Variants in SHTN1 observed in about 807,000 individuals in gnomAD.
SHTN1 encodes the protein shootin-1.
In SHTN1, 42 loss-of-function variants were observed where a neutral mutation model predicts 83.1. The observed-to-expected ratio is 0.51, with a 90% confidence interval of 0.39 to 0.65. The LOEUF (loss-of-function observed/expected upper bound fraction) is 0.65, where lower values mean the gene tolerates loss of function less well. Among genes scored for constraint, SHTN1 ranks in the 30% least tolerant of loss-of-function variants. SHTN1 has a pLI of 0.00. For missense variants in SHTN1, 622 were observed against 737.8 expected, an observed-to-expected ratio of 0.84 and a Z score of 1.82; for synonymous variants, 224 against 247.7, an observed-to-expected ratio of 0.90 and a Z score of 0.90.
In SHTN1 at chr10:117,094,184, G is replaced by T. The variant is rs565597530; in HGVS notation, c.-189+32123C>A. ...AATGTATTGCCCCAAAAAGACCTAA[G>T]AAATACCAAAAGGAGCAGAAATGAC... On this transcript the variant is annotated intron_variant, in intron 1 of 17. Coordinates refer to the SHTN1 transcript ENST00000392901. 2.3e-4 allele frequency among the ~76,000 whole-genome samples: 35 copies of T among 152,212 alleles called. 1 individual carries two copies. Among genetic ancestry groups the T allele is most frequent in the African/African-American group, 8.2e-4 (34 of 41,536 alleles).
At chr10:116,986,973 C>T (rs1359246284) in intron 1 of SHTN1, among the ~76,000 whole-genome samples, 7 of 152,078 alleles carry the variant, frequency 4.6e-5, no homozygotes, top group Middle Eastern at 3.4e-3. Context: ...GTGATCCACC[C>T]GCCTCGGCCT....
chr10:117,050,369 GA>G (rs1220491956), intron 1 of SHTN1, among the ~76,000 whole-genome samples: 3 of 151,920 alleles, frequency 2.0e-5, no homozygotes, highest in Non-Finnish European at 4.4e-5. Context: ...GATTAAAAAA[GA>G]AATCACGAGA....
intron 15 of SHTN1, among the ~76,000 whole-genome samples, chr10:116,905,208 CAAA>C (rs772309175): frequency 1.6e-5 from 1 of 63,410 alleles, no homozygotes; most frequent in African/African-American, 4.9e-5. Flanking sequence ...GACTCCGTCT[CAAA>C]AAAAAAAAAA....
chr10:117,012,556 T>G (rs892625802), intron 2 of SHTN1, among the ~76,000 whole-genome samples: 12 of 152,142 alleles, frequency 7.9e-5, no homozygotes, highest in African/African-American at 2.7e-4. Flanking sequence ...TTTCTTTTTT[T>G]TATAAAAAGG....
intron 1 of SHTN1, among the ~76,000 whole-genome samples, chr10:117,096,417 G>T (rs902599759): frequency 2.6e-5 from 4 of 152,062 alleles, no homozygotes; most frequent in African/African-American, 9.7e-5. Flanking sequence ...GGATCCAGCT[G>T]AACTTTTTTT....
chr10:117,057,204 T>C (rs1852836229), intron 1 of SHTN1, among the ~76,000 whole-genome samples: 1 of 152,206 alleles, frequency 6.6e-6, no homozygotes, highest in African/African-American at 2.4e-5. Flanking sequence ...TGGAGTCTAT[T>C]GAAGGCTTGC....
intron 1 of SHTN1, among the ~76,000 whole-genome samples, chr10:117,099,796 T>C (rs1411777733): frequency 2.0e-5 from 3 of 152,156 alleles, no homozygotes; most frequent in Admixed American, 1.3e-4. Context: ...ATCCAAAGTT[T>C]TCCCCTTACC....
At chr10:117,005,836 G>C (rs1002358945), upstream of SHTN1, among the ~76,000 whole-genome samples, 1 of 152,252 alleles carries the variant, frequency 6.6e-6, no homozygotes, top group Non-Finnish European at 1.5e-5. Flanking sequence ...TGGATGGTGG[G>C]GCCTGGAGGG....
At chr10:117,023,709 G>C (rs1425042885) in intron 2 of SHTN1, 2 of 152,672 alleles carry the variant, frequency 1.3e-5, no homozygotes, top group Non-Finnish European at 2.9e-5. Flanking sequence ...CAAAGTGGCA[G>C]AGGCCATTTT....
intron 3 of SHTN1, among the ~76,000 whole-genome samples, chr10:116,962,464 C>T (rs1850216833): frequency 6.6e-6 from 1 of 152,076 alleles, no homozygotes; most frequent in Admixed American, 6.5e-5. Context: ...GCCTTAACTA[C>T]TTGACATCTT....
chr10:116,916,451 T>G (rs1032664874), intron 12 of SHTN1, among the ~76,000 whole-genome samples: 1 of 152,212 alleles, frequency 6.6e-6, no homozygotes, highest in Non-Finnish European at 1.5e-5. Context: ...GACTCTACAC[T>G]GCCTGGCAAT....
At chr10:117,087,173 G>T (rs1220842739) in intron 1 of SHTN1, among the ~76,000 whole-genome samples, 1 of 98,972 alleles carries the variant, frequency 1.0e-5, no homozygotes, top group African/African-American at 3.1e-5. Flanking sequence ...TGTTTGGAGT[G>T]ACGAAGAATT....
At chr10:116,970,239 C>T (rs573871705) in intron 2 of SHTN1, among the ~76,000 whole-genome samples, 1 of 152,274 alleles carries the variant, frequency 6.6e-6, no homozygotes, top group Admixed American at 6.5e-5. Flanking sequence ...AAATTGAATA[C>T]ATACTTCCCT....
intron 2 of SHTN1, among the ~76,000 whole-genome samples, chr10:117,020,211 C>T (rs965455046): frequency 2.6e-5 from 4 of 151,832 alleles, no homozygotes; most frequent in African/African-American, 4.8e-5. Context: ...GAGAGAAGTC[C>T]GGGCACGGTG....
intron 16 of SHTN1, among the ~76,000 whole-genome samples, chr10:116,889,404 A>G (rs1294242440): frequency 4.6e-5 from 7 of 152,232 alleles, no homozygotes; most frequent in Non-Finnish European, 1.0e-4. Context: ...CTACAATTTG[A>G]GAACCCCTTT....
At chr10:116,897,225 TA>T (rs1308766757) in intron 16 of SHTN1, among the ~76,000 whole-genome samples, 14 of 152,224 alleles carry the variant, frequency 9.2e-5, no homozygotes, top group African/African-American at 3.4e-4. Flanking sequence ...AGATAACAGT[TA>T]TTTTGATTTG....
intron 2 of SHTN1, chr10:116,973,785 A>G: frequency 1.0e-6 from 1 of 960,764 alleles, no homozygotes. Context: ...GAAGTTCATT[A>G]ATGTCCAGTT....
chr10:117,052,180 A>C (rs1852755174), intron 1 of SHTN1, among the ~76,000 whole-genome samples: 1 of 151,542 alleles, frequency 6.6e-6, no homozygotes, highest in Admixed American at 6.6e-5. Context: ...CTTTTATAAT[A>C]GCATCAAAAG....
intron 16 of SHTN1, among the ~76,000 whole-genome samples, chr10:116,895,086 C>A (rs1847470089): frequency 6.6e-6 from 1 of 152,104 alleles, no homozygotes. Context: ...AAAGTGGATA[C>A]AATAATAAAA....
Sources: gnomAD v4.1 joint callset for allele counts (sites outside exome capture counted in the v4.1 genomes callset) on GRCh38, gnomAD v4.1.1 for gene constraint, MANE v1.5 for transcripts, NCBI Gene and HGNC (gene_info 2026-07-23, HGNC 2026-07-21) for gene names.